IL1B: variants seen among roughly 807,000 people sequenced by gnomAD.
IL1B encodes interleukin-1 beta.
A neutral mutation model predicts 26.2 loss-of-function variants in IL1B; 11 were observed. That is an observed-to-expected ratio of 0.42 (90% CI 0.26 to 0.70). The LOEUF (loss-of-function observed/expected upper bound fraction) is 0.70. Among genes scored for constraint, IL1B ranks in the 30% least tolerant of loss-of-function variants. The pLI is 0.25. For missense variants in IL1B, 255 were observed against 327.5 expected, an observed-to-expected ratio of 0.78 and a Z score of 1.71; for synonymous variants, 118 against 120.8, an observed-to-expected ratio of 0.98 and a Z score of 0.15.
chr2:112,833,260 G>A (rs563094943), intron 4 of IL1B, 114 bp downstream of exon 4: 15 of 943,966 alleles, frequency 1.6e-5, no homozygotes, highest in East Asian at 7.6e-5. Flanking sequence ...TTGTCTCCCC[G>A]CTGGGCCTTC....
chr2:112,833,358 G>A lies in IL1B; in HGVS notation c.301+16C>T, dbSNP rs373431213. 9.3e-6 allele frequency: 15 copies of A among 1,611,442 alleles called. No individual in the cohort carries two copies. The highest frequency in any genetic ancestry group is 1.3e-5 in the Non-Finnish European group (15 of 1,177,786). The stretch of plus-strand genomic sequence containing the variant: ...GGACACAAGTGGAGATCTACTGCCT[G>A]CTCTTGGCTAACTACCTTCTTCAAA... On this transcript the variant is annotated intron_variant, in intron 4 of 6. Transcript: ENST00000263341.
chr2:112,831,220 G>C, intron 6 of IL1B, 72 bp downstream of exon 6: 1 of 1,571,616 alleles, frequency 6.4e-7, no homozygotes, highest in Non-Finnish European at 8.8e-7. Context: ...TGGGGGCGGG[G>C]AGAAGGTGGT....
In IL1B at chr2:112,833,616, T is replaced by A. The variant is rs553815802; in HGVS notation, c.100-41A>T. On this transcript the variant is annotated intron_variant, in intron 3 of 6. Coordinates refer to ENST00000263341, the MANE Select transcript of IL1B (RefSeq NM_000576.3). The stretch of plus-strand genomic sequence containing the variant: ...GGGAGGGAGCCTGGTGAGGTGGTCC[T>A]GCCAGGAACCATGCTTTGACATCAG... The A allele has an allele frequency of 1.2e-4, 183 of 1,564,060 alleles. 1 individual carries two copies. The South Asian group carries it at 2.0e-3, about 17-fold the overall frequency.
chr2:112,836,611 GA>G, intron 1 of IL1B, 96 bp downstream of exon 1: 1 of 289,158 alleles, frequency 3.5e-6, no homozygotes, highest in South Asian at 3.2e-5. Flanking sequence ...GACAGAGAAA[GA>G]AAGAGAGAGA....
intron 1 of IL1B, 21 bp from the exon 2 acceptor site, chr2:112,836,265 G>T: frequency 1.9e-6 from 3 of 1,585,006 alleles, no homozygotes; most frequent in South Asian, 2.2e-5. Flanking sequence ...AGGAGAAAAT[G>T]AGTGACTTCC....
chr2:112,835,876 T>C (rs1682079820), intron 2 of IL1B, among the ~76,000 whole-genome samples: 1 of 152,184 alleles, frequency 6.6e-6, no homozygotes, highest in African/African-American at 2.4e-5. Flanking sequence ...TCAGCTAAAA[T>C]CTGAGCTCTC....
In IL1B at chr2:112,833,510, G is replaced by A; in HGVS notation, c.165C>T (p.His55=). ...DGGIQLRISD[H]HYSKGFRQAA... ...CCTGCCTGAAGCCCTTGCTGTAGTG[G>A]TGGTCGGAGATTCGTAGCTGGATGC... Residue 55 remains histidine, a synonymous_variant, in exon 4 of 7, where the codon CAC becomes CAT. Transcript: ENST00000263341. The A allele has an allele frequency of 6.2e-7, 1 of 1,614,216 alleles. No homozygotes were observed. The highest frequency in any genetic ancestry group is 8.5e-7 in the Non-Finnish European group (1 of 1,180,050).
intron 4 of IL1B, 147 bp from the exon 5 acceptor site, chr2:112,832,973 TG>T (rs1195703737): frequency 2.6e-5 from 20 of 767,970 alleles, no homozygotes; most frequent in Non-Finnish European, 4.5e-5. Context: ...AAGCTGGGAG[TG>T]GGGTGGCTAA....
intron 3 of IL1B, 196 bp downstream of exon 3, chr2:112,835,370 C>A: frequency 1.6e-6 from 1 of 640,136 alleles, no homozygotes; most frequent in Non-Finnish European, 2.9e-6. Context: ...CCACCACCAA[C>A]GTTAGTGAGT....
chr2:112,833,122 G>A (rs965860682), intron 4 of IL1B: 2 of 603,886 alleles, frequency 3.3e-6, no homozygotes, highest in Admixed American at 2.8e-5. Flanking sequence ...CGAACCTCTG[G>A]TGACAATGTA....
intron 6 of IL1B, among the ~76,000 whole-genome samples, chr2:112,830,936 TG>T (rs1558782235): frequency 6.6e-6 from 1 of 152,014 alleles, no homozygotes; most frequent in Non-Finnish European, 1.5e-5. Flanking sequence ...CTGAGAAAGC[TG>T]GAGGTGATAG....
Position 112,831,316 on chromosome 2 carries a change from A to G in IL1B, c.573T>C (p.Asp191=). ...CCTCCAGCTGTAGAGTGGGCTTATC[A>G]TCTTTCAACACGCAGGACAGGTACA... ...KNLYLSCVLK[D]DKPTLQLESV... is the part of the protein sequence containing the mutation. The change falls in exon 6 of 7, where the codon GAT becomes GAC. Residue 191 remains aspartate, a synonymous_variant. Transcript: ENST00000263341. The G allele has an allele frequency of 6.2e-7, 1 of 1,614,034 alleles. No individual in the cohort carries two copies. Among genetic ancestry groups the G allele is most frequent in the Non-Finnish European group, 8.5e-7 (1 of 1,179,954 alleles).
At chr2:112,830,801 A>T (rs1681970486) in intron 6 of IL1B, among the ~76,000 whole-genome samples, 1 of 146,620 alleles carries the variant, frequency 6.8e-6, no homozygotes, top group Non-Finnish European at 1.5e-5. Flanking sequence ...GTAGGTGAGA[A>T]TTTTTTTTTT....
intron 4 of IL1B, 173 bp from the exon 5 acceptor site, chr2:112,832,999 A>G: frequency 1.5e-6 from 1 of 678,602 alleles, no homozygotes; most frequent in Non-Finnish European, 2.6e-6. Flanking sequence ...ACTGGACCTG[A>G]CACTATTAGA....
chr2:112,831,673 A>C (rs1681987677), intron 5 of IL1B, among the ~76,000 whole-genome samples: 1 of 152,200 alleles, frequency 6.6e-6, no homozygotes, highest in Non-Finnish European at 1.5e-5. Context: ...GGAGAATGAA[A>C]GAGGGTCTAC....
chr2:112,832,756 G>A lies in IL1B; in HGVS notation c.372C>T (p.Cys124=). 6.2e-7 allele frequency: 1 copy of A among 1,614,136 alleles called. No homozygotes were observed. The highest frequency in any genetic ancestry group is 8.5e-7 in the Non-Finnish European group (1 of 1,180,004). ...VHDAPVRSLN[C]TLRDSQQKSL... is the part of the protein sequence containing the mutation. ...TTTTTTGCTGTGAGTCCCGGAGCGT[G>A]CAGTTCAGTGATCGTACAGGTGCAT... Residue 124 remains cysteine, a synonymous_variant, in exon 5 of 7, where the codon TGC becomes TGT. Transcript: ENST00000263341.
At chr2:112,832,110 T>C (rs1194914066) in intron 5 of IL1B, among the ~76,000 whole-genome samples, 21 of 152,230 alleles carry the variant, frequency 1.4e-4, no homozygotes, top group Admixed American at 1.4e-3. Flanking sequence ...TGTGGCACGA[T>C]GCCAGGCAGA....
rs1305384293 is a variant in IL1B at position 112,830,112 on chromosome 2, G to C, written c.*249C>G. On this transcript the variant is annotated 3_prime_UTR_variant, in exon 7 of 7. Coordinates refer to ENST00000263341, the MANE Select transcript of IL1B (RefSeq NM_000576.3). ...TTTCTGTCAGGCGGGCTTTAAGTGA[G>C]TAGGAGAGGTGAGAGAGGCCTGGCT... 1 of 498,106 alleles carries C rather than the reference G, an allele frequency of 2.0e-6. No homozygotes were observed. The highest frequency in any genetic ancestry group is 3.6e-6 in the Non-Finnish European group (1 of 277,126). 30.9% of individuals were successfully genotyped at this position (498,106 alleles called of 1,614,324 possible).
At chr2:112,835,486 A>G (rs1573279749) in intron 3 of IL1B, 80 bp downstream of exon 3, 1 of 1,116,356 alleles carries the variant, frequency 9.0e-7, no homozygotes, top group East Asian at 2.3e-5. Flanking sequence ...ATGGCATCAA[A>G]GTGGCCCAGA....
Sources: allele counts gnomAD v4.1 joint callset (sites outside exome capture counted in the v4.1 genomes callset), GRCh38; gene constraint gnomAD v4.1.1; transcripts MANE v1.5; gene names NCBI Gene and HGNC (gene_info 2026-07-23, HGNC 2026-07-21).